PDE4C: variants seen among roughly 807,000 people sequenced by gnomAD.
PDE4C encodes the protein phosphodiesterase 4C.
A neutral mutation model predicts 63.9 loss-of-function variants in PDE4C; 50 were observed. The observed-to-expected ratio is 0.78, with a 90% confidence interval of 0.62 to 0.99. PDE4C has a LOEUF of 0.99. PDE4C is among the 50% of genes least tolerant of loss of function. The pLI, the probability that PDE4C is intolerant of heterozygous loss-of-function variation, is 0.00. For synonymous variants in PDE4C, 377 were observed against 385.1 expected (o/e 0.98, Z 0.25); for missense variants, 777 against 899.1 (o/e 0.86, Z 1.74).
chr19:18,241,370 C>T (rs1969035631), intron 1 of PDE4C, among the ~76,000 whole-genome samples: 1 of 143,380 alleles, frequency 7.0e-6, no homozygotes, highest in Admixed American at 7.4e-5. Flanking sequence ...AGTTTCACAC[C>T]ATTCTCCGGC....
At chr19:18,219,118 G>T in intron 8 of PDE4C, 80 bp from the exon 9 acceptor site, 1 of 1,575,680 alleles carries the variant, frequency 6.3e-7, no homozygotes, top group African/African-American at 1.3e-5. Context: ...CCCACCCCAG[G>T]TTCCACAGTG....
chr19:18,208,813 C>T (rs1600045194), downstream of PDE4C: 1 of 152,124 alleles, frequency 6.6e-6, no homozygotes, highest in African/African-American at 2.4e-5. Flanking sequence ...CCAGAAGAGG[C>T]TATGATGGCA....
chr19:18,250,242 G>A (rs1969216299), upstream of PDE4C: 1 of 399,034 alleles, frequency 2.5e-6, no homozygotes, highest in Non-Finnish European at 4.4e-6. Context: ...GGTTGGCCCT[G>A]CTTGGGATAG....
the PDE4C span, among the ~76,000 whole-genome samples, chr19:18,253,877 G>A: frequency 2.6e-4 from 40 of 152,156 alleles, no homozygotes; most frequent in Admixed American, 2.4e-3. Context: ...CCAGGTGACT[G>A]GGCCTCTTAG....
chr19:18,233,322 G>A, exon 1 of PDE4C: 1 of 1,303,270 alleles, frequency 7.7e-7, no homozygotes, highest in East Asian at 2.5e-5. Flanking sequence ...GTCCGCGCCG[G>A]AGGTGCTGAA....
At chr19:18,241,899 C>A (rs1969047412) in intron 1 of PDE4C, among the ~76,000 whole-genome samples, 1 of 152,138 alleles carries the variant, frequency 6.6e-6, no homozygotes, top group South Asian at 2.1e-4. Context: ...TGGGAGAACT[C>A]CCTGCACACA....
At chr19:18,226,784 G>A (rs1193913405), upstream of PDE4C, among the ~76,000 whole-genome samples, 2 of 151,696 alleles carry the variant, frequency 1.3e-5, no homozygotes, top group African/African-American at 4.8e-5. Flanking sequence ...TGTATTTTCT[G>A]GAGAGATGGG....
upstream of PDE4C, chr19:18,234,325 C>T (rs1968912457): frequency 6.6e-6 from 1 of 152,334 alleles, no homozygotes; most frequent in Admixed American, 6.5e-5. Context: ...ATCTCATTCG[C>T]CCTGAGAAAG....
At chr19:18,232,458 C>T (rs1324826159) in intron 1 of PDE4C, among the ~76,000 whole-genome samples, 1 of 151,454 alleles carries the variant, frequency 6.6e-6, no homozygotes, top group Admixed American at 6.6e-5. Context: ...ACCTCGGGTG[C>T]TTGAGCTGGT....
At chr19:18,222,700 CTTTTTTTTTTT>C (rs1199712120) in intron 1 of PDE4C, among the ~76,000 whole-genome samples, 1 of 53,360 alleles carries the variant, frequency 1.9e-5, no homozygotes, top group Non-Finnish European at 3.1e-5. Flanking sequence ...CCTTTCTTTT[CTTTTTTTTTTT>C]TTTTTTTTGA....
chr19:18,244,299 T>C (rs1969092688), intron 1 of PDE4C, among the ~76,000 whole-genome samples: 1 of 151,542 alleles, frequency 6.6e-6, no homozygotes, highest in South Asian at 2.1e-4. Context: ...TTGTTTTGTT[T>C]TGTTTTTTTT....
chr19:18,246,110 G>T (rs1046741710), intron 1 of PDE4C, among the ~76,000 whole-genome samples: 1 of 150,892 alleles, frequency 6.6e-6, no homozygotes, highest in African/African-American at 2.4e-5. Context: ...CTGCCTTCCG[G>T]GTTCAAGCGA....
intron 10 of PDE4C, 29 bp from the exon 11 acceptor site, chr19:18,218,277 G>A (rs562523412): frequency 6.2e-7 from 1 of 1,613,558 alleles, no homozygotes; most frequent in Non-Finnish European, 8.5e-7. Context: ...CAGGCGGTGA[G>A]GGGCGGGTTC....
intron 1 of PDE4C, among the ~76,000 whole-genome samples, chr19:18,246,983 C>T (rs564722959): frequency 5.9e-5 from 9 of 152,316 alleles, no homozygotes; most frequent in African/African-American, 1.4e-4. Context: ...TTACCAGCCA[C>T]TCAGGTGATG....
chr19:18,251,676 A>ACCCCCCCCCCCCCCCCCCCCCC (rs1969230557), upstream of PDE4C, among the ~76,000 whole-genome samples: 1 of 23,566 alleles, frequency 4.2e-5, no homozygotes, highest in African/African-American at 1.1e-4. Context: ...CTCGTGATAC[A>ACCCCCCCCCCCCCCCCCCCCCC]CGCCCCCCCC....
At chr19:18,237,983 T>C (rs1048241645), upstream of PDE4C, among the ~76,000 whole-genome samples, 13 of 151,710 alleles carry the variant, frequency 8.6e-5, no homozygotes, top group African/African-American at 3.1e-4. Context: ...ATGCCCATAA[T>C]CCCAACACTT....
At chr19:18,245,223 G>T (rs1969110353) in intron 1 of PDE4C, among the ~76,000 whole-genome samples, 1 of 151,366 alleles carries the variant, frequency 6.6e-6, no homozygotes. Flanking sequence ...GAGTGCAGTG[G>T]CACAATCTCG....
chr19:18,221,171 G>A (rs760973090), exon 4 of PDE4C: 4 of 1,580,248 alleles, frequency 2.5e-6, no homozygotes. Context: ...CCGCAGACTG[G>A]CCAGGACCTG....
intron 2 of PDE4C, 35 bp from the exon 3 acceptor site, chr19:18,221,332 C>T: frequency 2.0e-6 from 3 of 1,535,408 alleles, no homozygotes; most frequent in Non-Finnish European, 1.8e-6. Context: ...AGAGCTCTCT[C>T]CCATCTTCCA....
Sources: allele counts gnomAD v4.1 joint callset (sites outside exome capture counted in the v4.1 genomes callset), GRCh38; gene constraint gnomAD v4.1.1; transcripts MANE v1.5; gene names NCBI Gene and HGNC (gene_info 2026-07-23, HGNC 2026-07-21).